SS18L1: variants seen among roughly 807,000 people sequenced by gnomAD.
SS18L1 encodes the protein calcium-responsive transactivator.
A neutral mutation model predicts 70.3 loss-of-function variants in SS18L1; 32 were observed. That is an observed-to-expected ratio of 0.46 (90% CI 0.34 to 0.61). SS18L1 has a LOEUF of 0.61. SS18L1 is among the 20% of genes least tolerant of loss of function. The pLI is 0.01. For synonymous variants in SS18L1, 237 were observed against 229.7 expected, an observed-to-expected ratio of 1.03 and a Z score of -0.29; for missense variants, 430 against 542.1, an observed-to-expected ratio of 0.79 and a Z score of 2.05.
chr20:62,171,158 T>C (rs972269663), intron 8 of SS18L1, among the ~76,000 whole-genome samples: 6 of 152,018 alleles, frequency 3.9e-5, no homozygotes, highest in Non-Finnish European at 7.4e-5. Flanking sequence ...CGCCTCGGCC[T>C]CCCAAAGTGC....
intron 10 of SS18L1, chr20:62,175,039 G>A: frequency 1.1e-5 from 8 of 751,302 alleles, no homozygotes; most frequent in Non-Finnish European, 1.1e-5. Context: ...GGGCCAGACT[G>A]TGCTGAGGAC....
chr20:62,150,092 G>A (rs764438117), intron 1 of SS18L1, among the ~76,000 whole-genome samples: 21 of 152,216 alleles, frequency 1.4e-4, no homozygotes, highest in Non-Finnish European at 2.5e-4. Flanking sequence ...GCACACACAC[G>A]TCAAGCATAC....
intron 10 of SS18L1, among the ~76,000 whole-genome samples, chr20:62,177,957 G>A (rs945166565): frequency 1.3e-5 from 2 of 150,818 alleles, no homozygotes; most frequent in Non-Finnish European, 3.0e-5. Flanking sequence ...CCTGACCTCA[G>A]GTGATCCTTC....
Position 62,161,596 on chromosome 20 carries a change from G to T in SS18L1, c.376+16G>T, listed in dbSNP as rs1158775531. 1.3e-6 allele frequency: 2 copies of T among 1,596,152 alleles called. No individual in the cohort carries two copies. The highest frequency in any genetic ancestry group is 1.7e-6 in the Non-Finnish European group (2 of 1,166,792). On this transcript the variant is annotated intron_variant, in intron 4 of 10. Coordinates refer to ENST00000331758, the MANE Select transcript of SS18L1 (RefSeq NM_198935.3). The surrounding 1 kb of genome is among the most constrained non-coding windows in gnomAD (Gnocchi z 4.4). Reference sequence around the variant, plus strand: ...ATTGGCAACGGTGAGTGCGGCGGGGGAGGAGGACGTTCCTGGCTACGAGGC... The same window carrying T: ...ATTGGCAACGGTGAGTGCGGCGGGGTAGGAGGACGTTCCTGGCTACGAGGC...
chr20:62,157,218 A>C (rs1601007902), intron 1 of SS18L1, among the ~76,000 whole-genome samples: 14 of 146,740 alleles, frequency 9.5e-5, no homozygotes, highest in African/African-American at 1.5e-4. Context: ...GCTGCCACCC[A>C]CCCCTCCCCA....
chr20:62,143,919 C>A (rs2056970844), intron 1 of SS18L1, 30 bp downstream of exon 1: 2 of 1,028,952 alleles, frequency 1.9e-6, no homozygotes, highest in Non-Finnish European at 2.4e-6. Flanking sequence ...CGGCGCTGGG[C>A]GGCGGGTCTG....
intron 8 of SS18L1, among the ~76,000 whole-genome samples, chr20:62,169,038 A>C (rs2057482906): frequency 6.6e-6 from 1 of 152,064 alleles, no homozygotes; most frequent in African/African-American, 2.4e-5. Flanking sequence ...TGTGCTGGGC[A>C]GGAGCATCGG....
At chr20:62,157,834 C>T (rs547639519) in intron 1 of SS18L1, among the ~76,000 whole-genome samples, 3 of 152,242 alleles carry the variant, frequency 2.0e-5, no homozygotes, top group Non-Finnish European at 2.9e-5. Flanking sequence ...AGGTCATGCC[C>T]GGTTCCGCAG....
At chr20:62,169,766 C>T (rs770656328) in intron 8 of SS18L1, among the ~76,000 whole-genome samples, 2 of 150,534 alleles carry the variant, frequency 1.3e-5, no homozygotes, top group Non-Finnish European at 3.0e-5. Context: ...GGCGGCAAAG[C>T]GAGACTCCAT....
chr20:62,155,908 G>A (rs757621738), intron 1 of SS18L1, among the ~76,000 whole-genome samples: 1 of 152,070 alleles, frequency 6.6e-6, no homozygotes. Context: ...ATCCTTAGTC[G>A]CCGGCCGGGG....
At chr20:62,171,581 G>A (rs1568762682) in intron 8 of SS18L1, among the ~76,000 whole-genome samples, 1 of 152,200 alleles carries the variant, frequency 6.6e-6, no homozygotes, top group African/African-American at 2.4e-5. Context: ...GAATTACCCT[G>A]ATAGGTTTTT....
chr20:62,166,092 T>C lies in SS18L1; in HGVS notation c.916+578T>C, dbSNP rs61106586. 8.5e-3 allele frequency among the ~76,000 whole-genome samples: 1,290 copies of C among 152,332 alleles called. 15 individuals carry two copies. The highest frequency in any genetic ancestry group is 0.029 in the African/African-American group (1,213 of 41,570). On this transcript the variant is annotated intron_variant, in intron 8 of 10. Coordinates refer to ENST00000331758, the MANE Select transcript of SS18L1 (RefSeq NM_198935.3). ...TTCTGTGGTGTCTGTGCCCCCACCC[T>C]GGCTGCCCTGAAACCCCAACAGAAC... is the stretch of plus-strand genomic sequence containing the variant.
At chr20:62,177,970 A>T (rs979151127) in intron 10 of SS18L1, among the ~76,000 whole-genome samples, 1 of 147,762 alleles carries the variant, frequency 6.8e-6, no homozygotes, top group African/African-American at 2.5e-5. Context: ...GATCCTTCCA[A>T]AGTGCTGGGA....
Position 62,161,631 on chromosome 20 carries a change from A to C in SS18L1, c.376+51A>C. 3 of 1,576,814 alleles carry C rather than the reference A, an allele frequency of 1.9e-6. No individual in the cohort carries two copies. The South Asian group carries it at 3.4e-5, about 18-fold the overall frequency. On this transcript the variant is annotated intron_variant, in intron 4 of 10. Transcript: ENST00000331758. This position sits in a 1 kb window ranked among gnomAD's most constrained non-coding sequence, Gnocchi z 4.4. ...TTCCTGGCTACGAGGCCACCAAGGC[A>C]GCCCTTGGGCAGCCGGCTGCCATGG... is the stretch of plus-strand genomic sequence containing the variant.
chr20:62,163,661 C>T (rs752703542), intron 6 of SS18L1, 39 bp downstream of exon 6: 15 of 1,497,112 alleles, frequency 1.0e-5, no homozygotes, highest in East Asian at 4.7e-5. Context: ...CACAGCTGAC[C>T]GCCGCGGGTC....
At position 62,181,006 on chromosome 20, in the gene SS18L1, C is replaced by T. The variant is rs1030131518; in HGVS notation, c.*1798C>T. On this transcript the variant is annotated 3_prime_UTR_variant, in exon 11 of 11. Coordinates refer to ENST00000331758, the MANE Select transcript of SS18L1 (RefSeq NM_198935.3). ...TGTGTTTTGCTTGAATTAATTCTGA[C>T]AGCCCCTATGAGGAAATCTGGAGGC... 1 of 184,666 alleles carries T rather than the reference C, an allele frequency of 5.4e-6. No individual in the cohort carries two copies. Among genetic ancestry groups the T allele is most frequent in the African/African-American group, 2.3e-5 (1 of 42,566 alleles). 11.4% of individuals were successfully genotyped at this position (184,666 alleles called of 1,614,324 possible). A position where few individuals can be genotyped will look rare whatever the true frequency, so the allele number is the denominator to read the frequency against.
At chr20:62,154,357 A>G (rs942524391) in intron 1 of SS18L1, 2 of 1,050,504 alleles carry the variant, frequency 1.9e-6, no homozygotes, top group Non-Finnish European at 1.1e-6. Flanking sequence ...TGCGGGTCTG[A>G]AAGTGCGTCC....
chr20:62,161,706 G>A lies in SS18L1; in HGVS notation c.376+126G>A, dbSNP rs2057333635. On this transcript the variant is annotated intron_variant, in intron 4 of 10. Coordinates refer to ENST00000331758, the MANE Select transcript of SS18L1 (RefSeq NM_198935.3). This position sits in a 1 kb window ranked among gnomAD's most constrained non-coding sequence, Gnocchi z 4.4. Reference sequence around the variant, plus strand: ...CTGGGCATGGGACCCACTCCTCCTGGGGTAGCCACAGGTCGGCTGCCATCG... The same window carrying A: ...CTGGGCATGGGACCCACTCCTCCTGAGGTAGCCACAGGTCGGCTGCCATCG... 6 of 1,380,212 alleles carry A rather than the reference G, an allele frequency of 4.3e-6. No individual in the cohort carries two copies. The highest frequency in any genetic ancestry group is 4.8e-6 in the Non-Finnish European group (5 of 1,039,846). 85.5% of individuals were successfully genotyped at this position (1,380,212 alleles called of 1,614,324 possible). A position where few individuals can be genotyped will look rare whatever the true frequency, so the allele number is the denominator to read the frequency against.
Position 62,159,863 on chromosome 20 carries a change from C to T in SS18L1, c.147-14C>T. On this transcript the variant is annotated splice_polypyrimidine_tract_variant and intron_variant, in intron 2 of 10. Transcript: ENST00000331758. This position sits in a 1 kb window ranked among gnomAD's most constrained non-coding sequence, Gnocchi z 4.4. The stretch of plus-strand genomic sequence containing the variant: ...TCCCGTCGTCCTGCCTCATGCGTGC[C>T]CCCTCTCCTGCAGGTACCAGCAGAT... The T allele has an allele frequency of 2.5e-6, 4 of 1,611,482 alleles. No homozygotes were observed. Among genetic ancestry groups the T allele is most frequent in the Non-Finnish European group, 3.4e-6 (4 of 1,179,536 alleles).
Sources: gnomAD v4.1 joint callset for allele counts (sites outside exome capture counted in the v4.1 genomes callset) on GRCh38, gnomAD v4.1.1 for gene constraint, Gnocchi (gnomAD v3.1) non-coding constraint, MANE v1.5 for transcripts, NCBI Gene and HGNC (gene_info 2026-07-23, HGNC 2026-07-21) for gene names.